SCEL: variants seen among roughly 807,000 people sequenced by gnomAD.
The protein encoded by SCEL is sciellin.
A neutral mutation model predicts 117.6 loss-of-function variants in SCEL; 113 were observed. The ratio of observed to expected loss-of-function variants is 0.96; its 90% CI spans 0.83 to 1.12. The LOEUF is 1.12. Ranked by LOEUF, SCEL falls within the 50% of genes most tolerant of loss-of-function variation. The probability of loss-of-function intolerance (pLI) is 0.00; values close to 1 mark genes in which losing one functional copy is unlikely to be tolerated. For missense variants in SCEL, 785 were observed against 810.8 expected, an observed-to-expected ratio of 0.97 and a Z score of 0.39; for synonymous variants, 270 against 256.2, an observed-to-expected ratio of 1.05 and a Z score of -0.51.
At chr13:77,551,108 G>A (rs1012734442) in intron 1 of SCEL, among the ~76,000 whole-genome samples, 11 of 152,180 alleles carry the variant, frequency 7.2e-5, no homozygotes, top group African/African-American at 2.4e-4. Flanking sequence ...GGCGTGGCTT[G>A]GTTTAGAAGC....
intron 9 of SCEL, among the ~76,000 whole-genome samples, chr13:77,584,183 G>T (rs866126029): frequency 1.3e-5 from 2 of 152,112 alleles, no homozygotes; most frequent in African/African-American, 4.8e-5. Flanking sequence ...TCTTCAGAAC[G>T]TTCTGGCCAC....
Position 77,569,428 on chromosome 13 carries a change from T to C in SCEL, c.456T>C (p.Ala152=). 1.2e-6 allele frequency: 2 copies of C among 1,613,762 alleles called. No individual in the cohort carries two copies. The highest frequency in any genetic ancestry group is 1.7e-6 in the Non-Finnish European group (2 of 1,179,642). ...NTSNTIASTS[A]TTPVKKKRQS... is the part of the protein sequence containing the mutation. ...CCAACACCATAGCATCCACTTCTGC[T>C]ACTACTCCTGTAAAGAAGAAGAGGT... The change falls in exon 8 of 33, where the codon GCT becomes GCC. Residue 152 remains alanine (A), a synonymous_variant. Transcript: ENST00000349847.
intron 28 of SCEL, among the ~76,000 whole-genome samples, chr13:77,628,690 T>C (rs1008165017): frequency 6.6e-5 from 10 of 152,188 alleles, no homozygotes; most frequent in Non-Finnish European, 1.2e-4. Flanking sequence ...ATAGGTGCAG[T>C]TACCTTTTCT....
chr13:77,546,636 G>C (rs1254684043), intron 1 of SCEL, among the ~76,000 whole-genome samples: 3 of 151,548 alleles, frequency 2.0e-5, no homozygotes, highest in Non-Finnish European at 4.4e-5. Flanking sequence ...CTGCACGATG[G>C]CTTAGTGACA....
chr13:77,601,747 A>G (rs1324155119), intron 15 of SCEL, among the ~76,000 whole-genome samples: 5 of 152,332 alleles, frequency 3.3e-5, no homozygotes, highest in Non-Finnish European at 7.4e-5. Context: ...GTATCTCAAT[A>G]TACGTATTAA....
intron 32 of SCEL, among the ~76,000 whole-genome samples, chr13:77,643,268 A>G (rs2090646177): frequency 6.6e-6 from 1 of 152,148 alleles, no homozygotes; most frequent in African/African-American, 2.4e-5. Flanking sequence ...ATAGCATTTA[A>G]GTTTTCTATC....
intron 1 of SCEL, among the ~76,000 whole-genome samples, chr13:77,548,195 T>C (rs1436143759): frequency 6.6e-6 from 1 of 152,214 alleles, no homozygotes; most frequent in Non-Finnish European, 1.5e-5. Context: ...TAACAACCTT[T>C]TAAGATTGCT....
intron 24 of SCEL, among the ~76,000 whole-genome samples, chr13:77,614,398 G>A (rs1469067947): frequency 6.6e-6 from 1 of 152,092 alleles, no homozygotes; most frequent in African/African-American, 2.4e-5. Flanking sequence ...GGTAGTCAGT[G>A]GAAATTTTAT....
intron 3 of SCEL, 116 bp downstream of exon 3, chr13:77,556,829 A>G: frequency 1.3e-6 from 1 of 748,816 alleles, no homozygotes; most frequent in Admixed American, 2.2e-5. Flanking sequence ...ACTTTGTTGC[A>G]TGGTCTAATT....
intron 3 of SCEL, among the ~76,000 whole-genome samples, chr13:77,557,623 C>T (rs2084735720): frequency 6.6e-6 from 1 of 152,240 alleles, no homozygotes; most frequent in East Asian, 1.9e-4. Flanking sequence ...ATTGTTTTTC[C>T]ATTACACGAA....
At chr13:77,536,686 T>C (rs992088741) in intron 1 of SCEL, among the ~76,000 whole-genome samples, 13 of 152,242 alleles carry the variant, frequency 8.5e-5, no homozygotes, top group African/African-American at 3.1e-4. Flanking sequence ...CTATTTATGA[T>C]ACAGAGCTGT....
chr13:77,572,394 G>C (rs568142439), intron 9 of SCEL, among the ~76,000 whole-genome samples: 1 of 152,296 alleles, frequency 6.6e-6, no homozygotes, highest in South Asian at 2.1e-4. Flanking sequence ...CTAGGAATGA[G>C]TAGGTGGCTG....
intron 28 of SCEL, among the ~76,000 whole-genome samples, chr13:77,630,758 T>A (rs1447001895): frequency 6.6e-6 from 1 of 152,200 alleles, no homozygotes; most frequent in East Asian, 1.9e-4. Context: ...ATACAATGTT[T>A]GGGTTTGTAT....
At chr13:77,637,301 T>C (rs570111958) in intron 30 of SCEL, 107 bp downstream of exon 30, 4 of 174,472 alleles carry the variant, frequency 2.3e-5, no homozygotes, top group South Asian at 2.0e-4. Flanking sequence ...TATATATAAA[T>C]ATATATACAT....
At chr13:77,614,452 A>G (rs1594126452) in intron 24 of SCEL, among the ~76,000 whole-genome samples, 2 of 152,312 alleles carry the variant, frequency 1.3e-5, no homozygotes, top group East Asian at 3.9e-4. Context: ...CAGCAAGGTT[A>G]TGGACCTAAA....
chr13:77,545,361 A>G (rs1472678826), intron 1 of SCEL, among the ~76,000 whole-genome samples: 1 of 152,220 alleles, frequency 6.6e-6, no homozygotes, highest in East Asian at 1.9e-4. Flanking sequence ...ACCTGAAATA[A>G]GTAATTCCTT....
At chr13:77,560,591 C>T (rs1324444421) in intron 4 of SCEL, among the ~76,000 whole-genome samples, 1 of 152,172 alleles carries the variant, frequency 6.6e-6, no homozygotes, top group Admixed American at 6.5e-5. Context: ...AGTGGGAAAA[C>T]ATGAACTGAT....
At chr13:77,583,989 G>GT (rs1345567935) in intron 9 of SCEL, among the ~76,000 whole-genome samples, 5 of 152,190 alleles carry the variant, frequency 3.3e-5, no homozygotes, top group African/African-American at 9.7e-5. Flanking sequence ...TGAAATCCAC[G>GT]TTTTTTATTC....
intron 8 of SCEL, among the ~76,000 whole-genome samples, chr13:77,571,592 G>A (rs2085626793): frequency 6.6e-6 from 1 of 151,656 alleles, no homozygotes; most frequent in African/African-American, 2.4e-5. Flanking sequence ...AGGAGGCTGA[G>A]GCAGGAGAAC....
Sources: allele counts gnomAD v4.1 joint callset (sites outside exome capture counted in the v4.1 genomes callset), GRCh38; gene constraint gnomAD v4.1.1; transcripts MANE v1.5; gene names NCBI Gene and HGNC (gene_info 2026-07-23, HGNC 2026-07-21).